MRTFA: variants seen among roughly 807,000 people sequenced by gnomAD.
MRTFA encodes the protein myocardin-related transcription factor A.
In MRTFA, 20 loss-of-function variants were observed where a neutral mutation model predicts 83.5. That is an observed-to-expected ratio of 0.24 (90% CI 0.17 to 0.35). MRTFA has a LOEUF of 0.35. MRTFA is among the 10% of genes least tolerant of loss of function. The pLI is 1.00. For missense variants in MRTFA, 1,200 were observed against 1,224.7 expected, an observed-to-expected ratio of 0.98 and a Z score of 0.30; for synonymous variants, 659 against 541.2, an observed-to-expected ratio of 1.22 and a Z score of -3.02.
chr22:40,580,426 T>A (rs1449033836), intron 2 of MRTFA, among the ~76,000 whole-genome samples: 2 of 152,300 alleles, frequency 1.3e-5, no homozygotes, highest in South Asian at 4.1e-4. Flanking sequence ...CTCAAACTCC[T>A]AGCCTCAATC....
intron 3 of MRTFA, among the ~76,000 whole-genome samples, chr22:40,506,491 C>T (rs530415082): frequency 2.0e-5 from 3 of 152,278 alleles, no homozygotes; most frequent in South Asian, 4.1e-4. Flanking sequence ...GAACACCCAG[C>T]TCTTTACTAT....
intron 1 of MRTFA, among the ~76,000 whole-genome samples, chr22:40,595,067 C>T (rs2147384544): frequency 6.7e-6 from 1 of 149,032 alleles, no homozygotes; most frequent in Non-Finnish European, 1.5e-5. Flanking sequence ...ATCCAAATGA[C>T]AATTGTCCTA....
intron 3 of MRTFA, among the ~76,000 whole-genome samples, chr22:40,488,932 T>C (rs1470557058): frequency 6.6e-6 from 1 of 152,182 alleles, no homozygotes; most frequent in Non-Finnish European, 1.5e-5. Flanking sequence ...GTTATATCAA[T>C]ACCAATACTG....
chr22:40,411,549 G>A lies in MRTFA; in HGVS notation c.2937C>T (p.Asp979=). ...TGCTGTCCAGGTGGCCATCAGCCAG[G>A]TCCAGGCCCATGGTGCTGCTGGGCT... is the stretch of plus-strand genomic sequence containing the variant. The change falls in exon 15 of 15, where the codon GAC becomes GAT. Residue 979 remains aspartate, a synonymous_variant. Coordinates refer to ENST00000355630, the MANE Select transcript of MRTFA (RefSeq NM_020831.6). The A allele has an allele frequency of 6.2e-7, 1 of 1,613,734 alleles. No individual in the cohort carries two copies. Among genetic ancestry groups the A allele is most frequent in the Non-Finnish European group, 8.5e-7 (1 of 1,179,894 alleles).
chr22:40,417,060 GAA>G lies in MRTFA; in HGVS notation c.2518-16_2518-15del, dbSNP rs367823907. On this transcript the variant is annotated splice_polypyrimidine_tract_variant and intron_variant, in intron 13 of 14. Coordinates refer to ENST00000355630, the MANE Select transcript of MRTFA (RefSeq NM_020831.6). ...GGAACCATTTTCCTGTGGGACAAAG[GAA>G]AAAAAAAAAAGAGATAAAAATCTTG... 1.6e-4 allele frequency: 200 copies of G among 1,237,768 alleles called. No homozygotes were observed. Among genetic ancestry groups the G allele is most frequent in the Admixed American group, 5.8e-4 (25 of 43,414 alleles). The allele number at this position is 1,237,768 out of a possible 1,614,324, so 76.7% of individuals were successfully genotyped here. A position where few individuals can be genotyped will look rare whatever the true frequency, so the allele number is the denominator to read the frequency against.
intron 12 of MRTFA, chr22:40,417,696 G>GT (rs2052715563): frequency 3.5e-6 from 2 of 569,570 alleles, no homozygotes; most frequent in East Asian, 6.0e-5. Flanking sequence ...CCTGCAGGGG[G>GT]TGCCTGGCCC....
intron 4 of MRTFA, among the ~76,000 whole-genome samples, chr22:40,451,910 A>C (rs2053494935): frequency 6.6e-6 from 1 of 151,340 alleles, no homozygotes; most frequent in African/African-American, 2.4e-5. Flanking sequence ...TTTAGAATAC[A>C]AATTCCAGGT....
rs200565523 is a variant in MRTFA at position 40,418,961 on chromosome 22, G to C, written c.1777C>G (p.Pro593Ala). The change falls in exon 12 of 15, where the codon CCA becomes GCA. Residue 593 changes from proline (P) to alanine (A), a missense_variant. Pro to Ala is a conservative substitution (Grantham distance 27). Transcript: ENST00000355630. ...TCCTCCTTCACGAGGATCTGCAGTGGCGAGGCCTGCAGGGTCAGCTGCGTC... is the reference window on the plus strand; with the variant it reads ...TCCTCCTTCACGAGGATCTGCAGTGCCGAGGCCTGCAGGGTCAGCTGCGTC... The C allele has an allele frequency of 1.9e-6, 3 of 1,612,794 alleles. No individual in the cohort carries two copies. The highest frequency in any genetic ancestry group is 2.5e-6 in the Non-Finnish European group (3 of 1,179,950).
chr22:40,458,321 T>A (rs993161557), intron 4 of MRTFA, among the ~76,000 whole-genome samples: 1 of 152,218 alleles, frequency 6.6e-6, no homozygotes, highest in Non-Finnish European at 1.5e-5. Flanking sequence ...ATGATTCTGT[T>A]TAATAGCACA....
intron 3 of MRTFA, among the ~76,000 whole-genome samples, chr22:40,489,829 A>G (rs1280999959): frequency 6.6e-6 from 1 of 151,976 alleles, no homozygotes; most frequent in Non-Finnish European, 1.5e-5. Flanking sequence ...AAATTCAAAA[A>G]TTAGCCAGGT....
At chr22:40,600,237 CAAGT>C (rs760451385) in intron 1 of MRTFA, among the ~76,000 whole-genome samples, 1 of 152,096 alleles carries the variant, frequency 6.6e-6, no homozygotes, top group Non-Finnish European at 1.5e-5. Context: ...CCCCCTGAAA[CAAGT>C]AAGGGAGGCA....
chr22:40,521,047 T>C (rs1025129183), intron 3 of MRTFA, among the ~76,000 whole-genome samples: 3 of 151,962 alleles, frequency 2.0e-5, no homozygotes, highest in African/African-American at 7.2e-5. Flanking sequence ...AAACAGCTCA[T>C]GTATAAACTT....
intron 2 of MRTFA, among the ~76,000 whole-genome samples, chr22:40,564,588 G>C (rs1419629987): frequency 6.6e-6 from 1 of 152,018 alleles, no homozygotes; most frequent in African/African-American, 2.4e-5. Context: ...TTGCATATCA[G>C]CACTTTCTGC....
intron 3 of MRTFA, among the ~76,000 whole-genome samples, chr22:40,469,737 T>C (rs940771409): frequency 4.9e-4 from 74 of 152,166 alleles, no homozygotes; most frequent in African/African-American, 1.8e-3. Flanking sequence ...TTTCAGTACA[T>C]TTAAAAGGAT....
intron 4 of MRTFA, among the ~76,000 whole-genome samples, chr22:40,459,239 CAAAAAAAAAAA>C (rs59958160): frequency 1.6e-4 from 14 of 87,122 alleles, no homozygotes; most frequent in African/African-American, 3.5e-4. Flanking sequence ...AGGGGTCTGG[CAAAAAAAAAAA>C]AAAAAAAAAA....
In MRTFA at chr22:40,558,247, C is replaced by CTT. The variant is rs34991397; in HGVS notation, c.-21-5882_-21-5881dup. Reference sequence around the variant, plus strand: ...ACTACAGGCACACCATCATGCCTGGCTTTTTTTTTTTTTTTTTTTTTTTTT... The same window carrying CTT: ...ACTACAGGCACACCATCATGCCTGGCTTTTTTTTTTTTTTTTTTTTTTTTTTT... On this transcript the variant is annotated intron_variant, in intron 2 of 14. Coordinates refer to ENST00000355630, the MANE Select transcript of MRTFA (RefSeq NM_020831.6). Among the ~76,000 whole-genome samples the CTT allele has an allele frequency of 5.1e-4, 23 of 45,524 alleles. 2 individuals carry two copies. Among genetic ancestry groups the CTT allele is most frequent in the African/African-American group, 1.4e-3 (13 of 9,550 alleles). 29.9% of individuals were successfully genotyped at this position (45,524 alleles called of 152,430 possible).
At chr22:40,531,956 G>A (rs1383875659) in intron 3 of MRTFA, among the ~76,000 whole-genome samples, 1 of 152,050 alleles carries the variant, frequency 6.6e-6, no homozygotes, top group African/African-American at 2.4e-5. Flanking sequence ...CCACTTTTAC[G>A]AACATAAACA....
At chr22:40,427,570 C>T (rs916419631) in intron 7 of MRTFA, among the ~76,000 whole-genome samples, 11 of 152,130 alleles carry the variant, frequency 7.2e-5, no homozygotes, top group African/African-American at 2.7e-4. Flanking sequence ...GGGCCCACTG[C>T]AGCGAAGGAG....
At chr22:40,494,892 C>T (rs2054325891) in intron 3 of MRTFA, among the ~76,000 whole-genome samples, 1 of 152,080 alleles carries the variant, frequency 6.6e-6, no homozygotes. Flanking sequence ...GGAGACTCTA[C>T]AAAGAGGCAT....
Sources: allele counts gnomAD v4.1 joint callset (sites outside exome capture counted in the v4.1 genomes callset), GRCh38; gene constraint gnomAD v4.1.1; transcripts MANE v1.5; gene names NCBI Gene and HGNC (gene_info 2026-07-23, HGNC 2026-07-21).